Variants in DENND5A observed in about 807,000 individuals in gnomAD.
The protein encoded by DENND5A is DENN domain-containing protein 5A.
DENND5A carries 64 observed loss-of-function variants against 140.3 expected under a neutral mutation model. The ratio of observed to expected loss-of-function variants is 0.46; its 90% CI spans 0.37 to 0.56. The LOEUF (loss-of-function observed/expected upper bound fraction) is 0.56. Among genes scored for constraint, DENND5A ranks in the 20% least tolerant of loss-of-function variants. The probability of loss-of-function intolerance (pLI) is 0.00; values close to 1 mark genes in which losing one functional copy is unlikely to be tolerated. For synonymous variants in DENND5A, 605 were observed against 607.7 expected (o/e 1.00, Z 0.07); for missense variants, 1,292 against 1,593.8 (o/e 0.81, Z 3.22).
intron 8 of DENND5A, 89 bp from the exon 9 acceptor site, chr11:9,170,866 G>C: frequency 6.4e-7 from 1 of 1,559,774 alleles, no homozygotes; most frequent in Non-Finnish European, 8.7e-7. Context: ...TAAGAATCTA[G>C]CTACTCTTCC....
intron 11 of DENND5A, among the ~76,000 whole-genome samples, chr11:9,161,342 C>T (rs1009396471): frequency 1.7e-5 from 2 of 118,596 alleles, no homozygotes; most frequent in South Asian, 5.0e-4. Flanking sequence ...AGCGAGACTC[C>T]GTCTCAAAAA....
intron 4 of DENND5A, among the ~76,000 whole-genome samples, chr11:9,198,843 G>C (rs1489079654): frequency 2.0e-5 from 3 of 151,220 alleles, no homozygotes; most frequent in African/African-American, 7.3e-5. Flanking sequence ...GGCTGAGGCT[G>C]GTGGATCACC....
intron 11 of DENND5A, among the ~76,000 whole-genome samples, chr11:9,161,355 A>C (rs1477320460): frequency 1.3e-5 from 2 of 152,244 alleles, no homozygotes; most frequent in Non-Finnish European, 2.9e-5. Flanking sequence ...CTCAAAAAAA[A>C]AAAAATATGT....
At chr11:9,146,522 T>C (rs1001650949) in intron 16 of DENND5A, among the ~76,000 whole-genome samples, 1 of 152,184 alleles carries the variant, frequency 6.6e-6, no homozygotes, top group Non-Finnish European at 1.5e-5. Flanking sequence ...CAGGATAGAC[T>C]CTGCTCACAG....
intron 1 of DENND5A, among the ~76,000 whole-genome samples, chr11:9,230,519 G>A (rs1850727483): frequency 6.6e-6 from 1 of 152,076 alleles, no homozygotes; most frequent in African/African-American, 2.4e-5. Flanking sequence ...GGGATTACAA[G>A]TGTGAGCCAC....
chr11:9,211,684 A>T (rs934286716), intron 1 of DENND5A, among the ~76,000 whole-genome samples: 1 of 152,190 alleles, frequency 6.6e-6, no homozygotes, highest in Non-Finnish European at 1.5e-5. Context: ...CTGTAATCCC[A>T]GGACTTTGGG....
intron 1 of DENND5A, among the ~76,000 whole-genome samples, chr11:9,208,826 A>AAAG (rs10634255): frequency 0.61 from 92,814 of 151,860 alleles, 28,838 homozygotes; most frequent in South Asian, 0.72. Context: ...AATCTTCACT[A>AAAG]AAGACTGGCA....
chr11:9,194,699 T>C (rs1156682080), intron 4 of DENND5A, among the ~76,000 whole-genome samples: 1 of 152,072 alleles, frequency 6.6e-6, no homozygotes, highest in African/African-American at 2.4e-5. Context: ...CATATTTGGC[T>C]TATCTTCAGA....
chr11:9,198,785 T>C (rs1198728638), intron 4 of DENND5A, among the ~76,000 whole-genome samples: 1 of 151,506 alleles, frequency 6.6e-6, no homozygotes, highest in Non-Finnish European at 1.5e-5. Flanking sequence ...AGTTAAATTA[T>C]TTAGGCCAGG....
At chr11:9,234,322 C>A (rs72859678) in intron 1 of DENND5A, among the ~76,000 whole-genome samples, 24,690 of 151,734 alleles carry the variant, frequency 0.16, 2,233 homozygotes, top group Non-Finnish European at 0.21. Context: ...ATCCCCCCCC[C>A]AAAAAAATGA....
intron 1 of DENND5A, among the ~76,000 whole-genome samples, chr11:9,234,932 C>A (rs1219329992): frequency 6.6e-6 from 1 of 152,164 alleles, no homozygotes; most frequent in Non-Finnish European, 1.5e-5. Flanking sequence ...ATTTCCCACT[C>A]CATACCTCTA....
intron 8 of DENND5A, chr11:9,171,697 CA>C (rs56204637): frequency 0.022 from 2,612 of 120,812 alleles, 65 homozygotes; most frequent in African/African-American, 0.07. Flanking sequence ...CTCATCTCTT[CA>C]AAAAAAAAAA....
In DENND5A at chr11:9,223,256, G is replaced by A. The variant is rs142873683; in HGVS notation, c.110-15624C>T. 2.6e-3 allele frequency among the ~76,000 whole-genome samples: 397 copies of A among 152,090 alleles called. 6 individuals are homozygous for A. Among genetic ancestry groups the A allele is most frequent in the Admixed American group, 0.022 (342 of 15,272 alleles). On this transcript the variant is annotated intron_variant, in intron 1 of 22. Coordinates refer to ENST00000328194, the MANE Select transcript of DENND5A (RefSeq NM_015213.4). Reference sequence around the variant, plus strand: ...GAAAAAAAAAATTAAGGCTGGGTGCGGGGTCTCACGCCTGTAATCCCAGCA... The same window carrying A: ...GAAAAAAAAAATTAAGGCTGGGTGCAGGGTCTCACGCCTGTAATCCCAGCA...
intron 8 of DENND5A, 154 bp downstream of exon 8, chr11:9,177,978 C>A (rs1405271805): frequency 3.0e-6 from 2 of 673,066 alleles, no homozygotes; most frequent in African/African-American, 1.8e-5. Context: ...AAGAAGATAA[C>A]CAGGCAAAAA....
chr11:9,225,046 C>A (rs906327846), intron 1 of DENND5A, among the ~76,000 whole-genome samples: 4 of 152,084 alleles, frequency 2.6e-5, no homozygotes, highest in African/African-American at 4.8e-5. Context: ...CTAGAACCGA[C>A]GTCTAACTCT....
At chr11:9,150,922 A>G (rs1413593632) in intron 13 of DENND5A, among the ~76,000 whole-genome samples, 158 bp from the exon 14 acceptor site, 1 of 152,240 alleles carries the variant, frequency 6.6e-6, no homozygotes, top group African/African-American at 2.4e-5. Context: ...AATTCCTACT[A>G]GAGACCGAAT....
chr11:9,170,402 A>G, intron 9 of DENND5A: 1 of 566,796 alleles, frequency 1.8e-6, no homozygotes, highest in South Asian at 7.8e-5. Context: ...TGCAGGTCCT[A>G]GACATATGGA....
At chr11:9,255,691 C>CT (rs1851915625) in intron 1 of DENND5A, among the ~76,000 whole-genome samples, 1 of 152,088 alleles carries the variant, frequency 6.6e-6, no homozygotes, top group South Asian at 2.1e-4. Flanking sequence ...TGGTGAAACT[C>CT]TGTCTCTAGT....
rs933682295 is a variant in DENND5A at position 9,243,095 on chromosome 11, AAAAAAAAAAC to A, written c.109+21856_109+21865del. 8.7e-5 allele frequency among the ~76,000 whole-genome samples: 12 copies of A among 138,596 alleles called. No individual in the cohort carries two copies. The South Asian group carries it at 1.5e-3, about 17-fold the overall frequency. The allele number at this position is 138,596 out of a possible 152,430, so 90.9% of individuals were successfully genotyped here. ...ACAGCGAGACTCTGTCTCAAAAAAAAAAAAAAAAACAAAAAAAAAAACTGAGGCGAGTAAG... is the reference window on the plus strand; with the variant it reads ...ACAGCGAGACTCTGTCTCAAAAAAAAAAAAAAAAAAACTGAGGCGAGTAAG... On this transcript the variant is annotated intron_variant, in intron 1 of 22. Coordinates refer to ENST00000328194, the MANE Select transcript of DENND5A (RefSeq NM_015213.4).
Sources: gnomAD v4.1 joint callset for allele counts (sites outside exome capture counted in the v4.1 genomes callset) on GRCh38, gnomAD v4.1.1 for gene constraint, MANE v1.5 for transcripts, NCBI Gene and HGNC (gene_info 2026-07-23, HGNC 2026-07-21) for gene names.